BTBD9: variants seen among roughly 807,000 people sequenced by gnomAD.
The protein encoded by BTBD9 is BTB/POZ domain-containing protein 9.
BTBD9 carries 49 observed loss-of-function variants against 64.3 expected under a neutral mutation model. That is an observed-to-expected ratio of 0.76 (90% CI 0.61 to 0.97). BTBD9 has a LOEUF of 0.97. Among genes scored for constraint, BTBD9 ranks in the 50% least tolerant of loss-of-function variants. The pLI, the probability that BTBD9 is intolerant of heterozygous loss-of-function variation, is 0.00. For synonymous variants in BTBD9, 260 were observed against 274.7 expected (o/e 0.95, Z 0.53); for missense variants, 598 against 762.1 (o/e 0.78, Z 2.53).
chr6:38,337,535 C>T (rs2127585664), intron 7 of BTBD9, among the ~76,000 whole-genome samples: 1 of 152,314 alleles, frequency 6.6e-6, no homozygotes, highest in East Asian at 1.9e-4. Context: ...CTTCATGAAG[C>T]CTTATCTTAC....
chr6:38,485,178 T>C (rs1257585821), intron 6 of BTBD9, among the ~76,000 whole-genome samples: 2 of 152,214 alleles, frequency 1.3e-5, no homozygotes, highest in African/African-American at 4.8e-5. Flanking sequence ...TCACTTTCTT[T>C]GCTCATCCAT....
intron 7 of BTBD9, among the ~76,000 whole-genome samples, chr6:38,325,219 A>ATC (rs1763375629): frequency 6.6e-6 from 1 of 152,194 alleles, no homozygotes; most frequent in Non-Finnish European, 1.5e-5. Context: ...TTTTACAAGA[A>ATC]TAGGAGTATA....
intron 6 of BTBD9, among the ~76,000 whole-genome samples, chr6:38,456,923 T>G (rs1006323395): frequency 6.6e-6 from 1 of 152,084 alleles, no homozygotes. Context: ...AAAAGCACTT[T>G]GAAGGAAATA....
rs539043830 is a variant in BTBD9, at chr6:38,291,530, T to C, written c.1265-3069A>G. ...GCCCTGGCCAGAACTTCCAATACTA[T>C]GTTGAATAGGAGTGGTGAGAGGGCA... On this transcript the variant is annotated intron_variant, in intron 7 of 10. Coordinates refer to ENST00000481247, the MANE Select transcript of BTBD9 (RefSeq NM_001099272.2). Among the ~76,000 whole-genome samples, 6 of 152,306 alleles carry C rather than the reference T, an allele frequency of 3.9e-5. 1 individual carries two copies. Among genetic ancestry groups the C allele is most frequent in the African/African-American group, 1.4e-4 (6 of 41,568 alleles).
At chr6:38,323,796 A>G (rs908330231) in intron 7 of BTBD9, among the ~76,000 whole-genome samples, 15 of 152,214 alleles carry the variant, frequency 9.9e-5, no homozygotes, top group African/African-American at 3.4e-4. Context: ...TAAAATTAAT[A>G]GTTAAAAATT....
intron 6 of BTBD9, among the ~76,000 whole-genome samples, chr6:38,512,840 G>C (rs1772834435): frequency 6.6e-6 from 1 of 152,092 alleles, no homozygotes; most frequent in African/African-American, 2.4e-5. Flanking sequence ...TGAGATCTAA[G>C]TACTTCCATA....
intron 6 of BTBD9, among the ~76,000 whole-genome samples, chr6:38,416,501 ATTTTTTTTTTTT>A (rs70981549): frequency 4.6e-5 from 4 of 86,772 alleles, no homozygotes; most frequent in Non-Finnish European, 8.8e-5. Flanking sequence ...TGCCCAGCTA[ATTTTTTTTTTTT>A]TTTTTTTTTT....
chr6:38,335,586 G>A (rs746413325), intron 7 of BTBD9, among the ~76,000 whole-genome samples: 1 of 151,286 alleles, frequency 6.6e-6, no homozygotes, highest in Admixed American at 6.6e-5. Flanking sequence ...GTTTTTTTGA[G>A]AGGGAGTCTT....
At chr6:38,588,641 T>C (rs1334502763) in intron 4 of BTBD9, 1 of 232,142 alleles carries the variant, frequency 4.3e-6, no homozygotes, top group Non-Finnish European at 8.1e-6. Flanking sequence ...AGAGCATTTG[T>C]TATATCTTTG....
intron 6 of BTBD9, among the ~76,000 whole-genome samples, chr6:38,477,012 G>T (rs1180108120): frequency 2.0e-5 from 3 of 152,234 alleles, no homozygotes; most frequent in African/African-American, 7.2e-5. Flanking sequence ...TGACATTCAG[G>T]CTTCAGAGAG....
intron 6 of BTBD9, among the ~76,000 whole-genome samples, chr6:38,526,413 T>C (rs1253852756): frequency 7.9e-5 from 12 of 152,334 alleles, no homozygotes; most frequent in South Asian, 4.1e-4. Context: ...AGAGCCCTCA[T>C]GGAGAACCTG....
In BTBD9 at chr6:38,631,184, T is replaced by TCAAATTACAGAGG. The variant is rs1778348057; in HGVS notation, c.-28+8615_-28+8616insCCTCTGTAATTTG. 4.6e-5 allele frequency among the ~76,000 whole-genome samples: 7 copies of TCAAATTACAGAGG among 152,376 alleles called. No individual in the cohort carries two copies. In the South Asian group the frequency reaches 1.4e-3, roughly 32 times the overall value. On this transcript the variant is annotated intron_variant, in intron 1 of 10. Transcript: ENST00000481247. ...CTTCAAGGAATCCACAACAAATCTG[T>TCAAATTACAGAGG]AATTTGTGAAAACTTTCCTTAAAAT...
At chr6:38,469,989 TC>T (rs1375529412) in intron 6 of BTBD9, among the ~76,000 whole-genome samples, 2 of 152,154 alleles carry the variant, frequency 1.3e-5, no homozygotes, top group Non-Finnish European at 2.9e-5. Flanking sequence ...GTAAAATACT[TC>T]CTCAGAAAAC....
intron 1 of BTBD9, among the ~76,000 whole-genome samples, chr6:38,623,621 C>G (rs562823629): frequency 6.6e-6 from 1 of 152,084 alleles, no homozygotes; most frequent in Non-Finnish European, 1.5e-5. Context: ...AGACGCTTCC[C>G]GGCATTTACA....
Position 38,377,970 on chromosome 6 carries a change from AG to A in BTBD9, c.1155-32878del, listed in dbSNP as rs374603523. 4.9e-3 allele frequency among the ~76,000 whole-genome samples: 746 copies of A among 152,292 alleles called. 10 individuals are homozygous for A. Among genetic ancestry groups the A allele is most frequent in the African/African-American group, 0.017 (703 of 41,570 alleles). On this transcript the variant is annotated intron_variant, in intron 6 of 10. Transcript: ENST00000481247. ...GCTGCAGAATTTTGCTCCTTAGTTC[AG>A]CTAAAATCCTGCTCTACTCACCCTT...
chr6:38,511,340 CTT>C (rs34407005), intron 6 of BTBD9, among the ~76,000 whole-genome samples: 179 of 107,436 alleles, frequency 1.7e-3, no homozygotes, highest in East Asian at 0.012. Flanking sequence ...TTGGAAATGC[CTT>C]TTTTTTTTTT....
At chr6:38,342,037 A>G (rs1002515666) in intron 7 of BTBD9, among the ~76,000 whole-genome samples, 2 of 152,136 alleles carry the variant, frequency 1.3e-5, no homozygotes, top group African/African-American at 4.8e-5. Context: ...CTAAAATCTC[A>G]TATAGTGGGT....
At chr6:38,565,176 T>C (rs1775437354) in intron 6 of BTBD9, among the ~76,000 whole-genome samples, 1 of 152,214 alleles carries the variant, frequency 6.6e-6, no homozygotes, top group East Asian at 1.9e-4. Flanking sequence ...ACCCTTTTAA[T>C]GAAAGATATT....
chr6:38,312,619 C>T (rs1451520014), intron 7 of BTBD9, among the ~76,000 whole-genome samples: 2 of 152,092 alleles, frequency 1.3e-5, no homozygotes, highest in African/African-American at 4.8e-5. Flanking sequence ...TTCATTCTTC[C>T]ACATATGGAT....
Sources: gnomAD v4.1 joint callset for allele counts (sites outside exome capture counted in the v4.1 genomes callset) on GRCh38, gnomAD v4.1.1 for gene constraint, MANE v1.5 for transcripts, NCBI Gene and HGNC (gene_info 2026-07-23, HGNC 2026-07-21) for gene names.